The following MPPED1 variants were observed in gnomAD, a reference collection of about 807,000 sequenced individuals.
MPPED1 encodes the protein metallophosphoesterase domain containing 1, also known as metallophosphoesterase domain-containing protein 1.
Under a neutral mutation model 36.2 loss-of-function variants are expected in MPPED1, and 16 were observed. The observed-to-expected ratio is 0.44, with a 90% CI of 0.30 to 0.67. The LOEUF is 0.67. Ranked by LOEUF, MPPED1 falls within the 30% of genes least tolerant of loss-of-function variation. The pLI is 0.10. For synonymous variants in MPPED1, 199 were observed against 191.3 expected (o/e 1.04, Z -0.33); for missense variants, 307 against 453.4 (o/e 0.68, Z 2.93).
chr22:43,490,973 C>G (rs963413564), intron 4 of MPPED1, among the ~76,000 whole-genome samples: 1 of 142,350 alleles, frequency 7.0e-6, no homozygotes, highest in Admixed American at 7.2e-5. Flanking sequence ...CCACTAGGAA[C>G]CGCGGAAGGA....
chr22:43,412,079 C>T lies in MPPED1; in HGVS notation c.-158C>T, dbSNP rs1928920141. 1 of 979,646 alleles carries T rather than the reference C, an allele frequency of 1.0e-6. No homozygotes were observed. Among genetic ancestry groups the T allele is most frequent in the Admixed American group, 6.3e-5 (1 of 15,780 alleles). The allele number at this position is 979,646 out of a possible 1,614,324, so 60.7% of individuals were successfully genotyped here. ...AGGAGCCCCCGCCCCTGCGCGCCTC[C>T]CTCCCGGGAGCCCCTGCCTCCCTCG... On this transcript the variant is annotated 5_prime_UTR_variant, in exon 1 of 7. Transcript: ENST00000443721.
intron 4 of MPPED1, among the ~76,000 whole-genome samples, chr22:43,483,778 C>T (rs1931824222): frequency 6.6e-6 from 1 of 152,116 alleles, no homozygotes. Context: ...GAGGGTGCTC[C>T]CTGGGAGGCA....
At chr22:43,476,880 TC>T (rs1931593961) in intron 4 of MPPED1, among the ~76,000 whole-genome samples, 1 of 151,982 alleles carries the variant, frequency 6.6e-6, no homozygotes, top group Non-Finnish European at 1.5e-5. Context: ...TCTGGAGAAG[TC>T]TGATAGGCCA....
At chr22:43,500,485 C>T (rs1198132327) in intron 5 of MPPED1, among the ~76,000 whole-genome samples, 1 of 150,090 alleles carries the variant, frequency 6.7e-6, no homozygotes, top group Non-Finnish European at 1.5e-5. Context: ...AAGGTCTTGC[C>T]CCTTCCAGTC....
chr22:43,506,388 T>C lies in MPPED1; in HGVS notation c.*772T>C, dbSNP rs776300309. On this transcript the variant is annotated 3_prime_UTR_variant, in exon 7 of 7. Coordinates refer to ENST00000443721, the MANE Select transcript of MPPED1 (RefSeq NM_001044370.2). ...ACCCTTGGTCCCACGGGGAACACACTGCTCTGTAGAATGCGGTAGCCTGGA... is the reference window on the plus strand; with the variant it reads ...ACCCTTGGTCCCACGGGGAACACACCGCTCTGTAGAATGCGGTAGCCTGGA... The C allele has an allele frequency of 1.3e-5, 2 of 152,388 alleles. No homozygotes were observed. Among genetic ancestry groups the C allele is most frequent in the Non-Finnish European group, 2.9e-5 (2 of 68,084 alleles). The allele number at this position is 152,388 out of a possible 1,614,324, so 9.4% of individuals were successfully genotyped here.
intron 3 of MPPED1, among the ~76,000 whole-genome samples, chr22:43,461,987 G>A (rs1930973079): frequency 6.6e-6 from 1 of 152,172 alleles, no homozygotes; most frequent in Non-Finnish European, 1.5e-5. Flanking sequence ...GTAGCTGCCT[G>A]ATCTGCCCAG....
chr22:43,496,272 T>A (rs377369077), intron 4 of MPPED1, among the ~76,000 whole-genome samples: 4 of 68,174 alleles, frequency 5.9e-5, no homozygotes, highest in Non-Finnish European at 8.2e-5. Context: ...GTAGTGGTGG[T>A]GGAGATGGTG....
chr22:43,440,669 C>A (rs34680523), intron 3 of MPPED1, among the ~76,000 whole-genome samples: 5,186 of 152,226 alleles, frequency 0.034, 127 homozygotes, highest in Non-Finnish European at 0.048. Flanking sequence ...TCCCCACCCC[C>A]AGCCACAGGA....
At chr22:43,467,444 C>A (rs1931211545) in intron 3 of MPPED1, among the ~76,000 whole-genome samples, 1 of 152,186 alleles carries the variant, frequency 6.6e-6, no homozygotes, top group South Asian at 2.1e-4. Context: ...CACAGAATTC[C>A]CTTTCTCTGC....
At chr22:43,500,167 T>C (rs1300743601) in intron 5 of MPPED1, among the ~76,000 whole-genome samples, 1 of 77,480 alleles carries the variant, frequency 1.3e-5, no homozygotes, top group Admixed American at 1.2e-4. Context: ...GTGGTGATGG[T>C]GATGGAGGTG....
Position 43,453,324 on chromosome 22 carries a change from AC to A in MPPED1, c.406+18116del, listed in dbSNP as rs200373624. On this transcript the variant is annotated intron_variant, in intron 3 of 6. Transcript: ENST00000443721. ...TCGCTATGGGCCGTTTCCCCGCACC[AC>A]CCCCCCTGCCCCTTTAAATGGGTTT... Among the ~76,000 whole-genome samples, 5 of 128,314 alleles carry A rather than the reference AC, an allele frequency of 3.9e-5. No homozygotes were observed. In the East Asian group the frequency reaches 1.0e-3, roughly 26 times the overall value. 84.2% of individuals were successfully genotyped at this position (128,314 alleles called of 152,430 possible).
intron 3 of MPPED1, among the ~76,000 whole-genome samples, chr22:43,467,463 CCA>C (rs1434044392): frequency 1.3e-5 from 2 of 152,232 alleles, no homozygotes; most frequent in African/African-American, 2.4e-5. Flanking sequence ...GCATGGTCAG[CCA>C]CAGTCTTCTG....
At chr22:43,433,308 G>A (rs995489798) in intron 2 of MPPED1, among the ~76,000 whole-genome samples, 3 of 152,126 alleles carry the variant, frequency 2.0e-5, no homozygotes, top group Non-Finnish European at 2.9e-5. Context: ...TCATCGTCTG[G>A]CCAAATCTGC....
intron 2 of MPPED1, 165 bp downstream of exon 2, chr22:43,425,374 G>C: frequency 1.5e-6 from 2 of 1,310,712 alleles, no homozygotes; most frequent in Non-Finnish European, 2.0e-6. Context: ...GAGTTGGGAG[G>C]GACCGGCAAG....
intron 3 of MPPED1, among the ~76,000 whole-genome samples, chr22:43,462,106 C>T (rs1456925950): frequency 1.3e-5 from 2 of 152,180 alleles, no homozygotes; most frequent in Admixed American, 6.6e-5. Flanking sequence ...GATTTTCTAC[C>T]TGCTCTGTCT....
chr22:43,422,614 G>A (rs1332082382), intron 1 of MPPED1, among the ~76,000 whole-genome samples: 1 of 152,116 alleles, frequency 6.6e-6, no homozygotes, highest in Non-Finnish European at 1.5e-5. Context: ...CCTGGAACTG[G>A]CCCCTTGGTT....
chr22:43,478,946 T>TC (rs1931660924), intron 4 of MPPED1, among the ~76,000 whole-genome samples: 1 of 152,052 alleles, frequency 6.6e-6, no homozygotes, highest in Non-Finnish European at 1.5e-5. Context: ...GCTGCCGGTA[T>TC]CCCCAGGTGA....
At chr22:43,505,189 G>T (rs1300492918) in intron 6 of MPPED1, among the ~76,000 whole-genome samples, 1 of 152,102 alleles carries the variant, frequency 6.6e-6, no homozygotes, top group African/African-American at 2.4e-5. Context: ...TGGTGGTGGT[G>T]ATGGTGACGA....
At chr22:43,456,586 C>T (rs528674380) in intron 3 of MPPED1, among the ~76,000 whole-genome samples, 35 of 152,284 alleles carry the variant, frequency 2.3e-4, no homozygotes, top group African/African-American at 8.4e-4. Flanking sequence ...CCTCTGCCTC[C>T]CAGGTTCAAG....
Sources: gnomAD v4.1 joint callset for allele counts (sites outside exome capture counted in the v4.1 genomes callset) on GRCh38, gnomAD v4.1.1 for gene constraint, MANE v1.5 for transcripts, NCBI Gene and HGNC (gene_info 2026-07-23, HGNC 2026-07-21) for gene names.